The following CDKAL1 variants were observed in gnomAD, a reference collection of about 807,000 sequenced individuals.
CDKAL1 encodes threonylcarbamoyladenosine tRNA methylthiotransferase.
A neutral mutation model predicts 68.2 loss-of-function variants in CDKAL1; 32 were observed. The ratio of observed to expected loss-of-function variants is 0.47; its 90% CI spans 0.35 to 0.63. The LOEUF is 0.63. Ranked by LOEUF, CDKAL1 falls within the 30% of genes least tolerant of loss-of-function variation. The pLI is 0.00. For missense variants in CDKAL1, 606 were observed against 696.7 expected (o/e 0.87, Z 1.47); for synonymous variants, 234 against 244.3 (o/e 0.96, Z 0.39).
intron 5 of CDKAL1, among the ~76,000 whole-genome samples, chr6:20,725,962 C>G (rs892144862): frequency 4.5e-4 from 68 of 152,104 alleles, no homozygotes; most frequent in African/African-American, 1.4e-3. Flanking sequence ...CAACCTGACT[C>G]TGGCATAATA....
chr6:20,840,434 T>C (rs1778128733), intron 8 of CDKAL1, among the ~76,000 whole-genome samples: 1 of 152,206 alleles, frequency 6.6e-6, no homozygotes. Context: ...CTGATGGGAA[T>C]AGAGTAAGAG....
At chr6:20,895,881 T>C (rs943141617) in intron 9 of CDKAL1, among the ~76,000 whole-genome samples, 1 of 152,166 alleles carries the variant, frequency 6.6e-6, no homozygotes, top group African/African-American at 2.4e-5. Context: ...ACTTTCTTTA[T>C]CCAGTGGCCC....
intron 7 of CDKAL1, among the ~76,000 whole-genome samples, chr6:20,779,338 T>C (rs1775314197): frequency 2.0e-5 from 3 of 152,234 alleles, no homozygotes; most frequent in Non-Finnish European, 4.4e-5. Flanking sequence ...TGTATGTGAA[T>C]GTTCACAGAA....
intron 9 of CDKAL1, among the ~76,000 whole-genome samples, chr6:20,928,810 G>A (rs9366370): frequency 0.96 from 145,630 of 151,926 alleles, 69,809 homozygotes; most frequent in East Asian, 1. Context: ...TGGGATTATA[G>A]ACATGAGCCA....
At chr6:20,921,690 G>C (rs1762963906) in intron 9 of CDKAL1, among the ~76,000 whole-genome samples, 1 of 152,162 alleles carries the variant, frequency 6.6e-6, no homozygotes, top group Non-Finnish European at 1.5e-5. Context: ...CAGGCTTTTA[G>C]CAACTGGCAG....
chr6:20,751,965 C>T (rs2819989), intron 6 of CDKAL1, among the ~76,000 whole-genome samples: 6,252 of 152,092 alleles, frequency 0.041, 142 homozygotes, highest in Middle Eastern at 0.082. Context: ...TTCTTCATTA[C>T]TGTATGTGAA....
chr6:20,951,740 T>G (rs1365611864), intron 9 of CDKAL1, among the ~76,000 whole-genome samples: 2 of 152,128 alleles, frequency 1.3e-5, no homozygotes, highest in African/African-American at 4.8e-5. Context: ...ACTGAACAAT[T>G]TTTGGGAAAA....
intron 9 of CDKAL1, among the ~76,000 whole-genome samples, chr6:20,891,937 C>T (rs371447397): frequency 8.3e-4 from 126 of 151,882 alleles, no homozygotes; most frequent in African/African-American, 3.0e-3. Context: ...GTTTTTTTCT[C>T]AACTCTACTT....
chr6:20,898,317 G>A (rs1336894619), intron 9 of CDKAL1, among the ~76,000 whole-genome samples: 1 of 150,286 alleles, frequency 6.7e-6, no homozygotes, highest in African/African-American at 2.5e-5. Context: ...GCTCATTCAC[G>A]TCCCTCACCT....
At position 20,920,486 on chromosome 6, in the gene CDKAL1, T is replaced by G. The variant is rs137993902; in HGVS notation, c.743-34933T>G. Among the ~76,000 whole-genome samples the G allele has an allele frequency of 9.2e-5, 14 of 152,260 alleles. 1 individual carries two copies. The East Asian group carries it at 2.7e-3, about 29-fold the overall frequency. On this transcript the variant is annotated intron_variant, in intron 9 of 15. Coordinates refer to ENST00000274695, the MANE Select transcript of CDKAL1 (RefSeq NM_017774.3). Reference sequence around the variant, plus strand: ...GATTTTTGTCTTGGCATTAGAAAATTTTATATTGCAATACTATTCTTTGAT... The same window carrying G: ...GATTTTTGTCTTGGCATTAGAAAATGTTATATTGCAATACTATTCTTTGAT...
intron 4 of CDKAL1, among the ~76,000 whole-genome samples, chr6:20,640,500 A>G (rs1420800492): frequency 6.6e-6 from 1 of 152,174 alleles, no homozygotes; most frequent in Non-Finnish European, 1.5e-5. Flanking sequence ...TCCTGCATTC[A>G]TTATTAATCT....
At chr6:21,229,060 G>C (rs1192145151) in intron 15 of CDKAL1, among the ~76,000 whole-genome samples, 1 of 152,074 alleles carries the variant, frequency 6.6e-6, no homozygotes, top group Non-Finnish European at 1.5e-5. Flanking sequence ...ATATCGGCCC[G>C]GATACCTGAG....
intron 10 of CDKAL1, among the ~76,000 whole-genome samples, chr6:20,986,324 A>G (rs1329269225): frequency 1.3e-5 from 2 of 152,162 alleles, no homozygotes; most frequent in Admixed American, 1.3e-4. Context: ...TTTATAATTT[A>G]GTTGTTTCAA....
At chr6:21,031,669 G>A (rs1001173381) in intron 11 of CDKAL1, among the ~76,000 whole-genome samples, 8 of 152,012 alleles carry the variant, frequency 5.3e-5, no homozygotes, top group African/African-American at 1.9e-4. Flanking sequence ...AGTAGAACTC[G>A]ATGGAGTTGA....
chr6:20,628,305 A>T (rs1474232201), intron 4 of CDKAL1, among the ~76,000 whole-genome samples: 1 of 152,052 alleles, frequency 6.6e-6, no homozygotes, highest in East Asian at 1.9e-4. Context: ...TTTTACCTTG[A>T]ATAGGTGTTG....
chr6:21,060,062 A>G (rs994219792), intron 11 of CDKAL1, among the ~76,000 whole-genome samples: 23 of 151,918 alleles, frequency 1.5e-4, no homozygotes, highest in African/African-American at 5.3e-4. Flanking sequence ...CTGGACTCTT[A>G]AAAGAGTTTC....
At chr6:20,742,357 T>C (rs1484541025) in intron 6 of CDKAL1, among the ~76,000 whole-genome samples, 1 of 103,634 alleles carries the variant, frequency 9.6e-6, no homozygotes, top group Non-Finnish European at 2.0e-5. Context: ...TCTTATTTTG[T>C]TCATTTACAA....
At chr6:20,971,638 T>C (rs899843196) in intron 10 of CDKAL1, among the ~76,000 whole-genome samples, 2 of 152,242 alleles carry the variant, frequency 1.3e-5, no homozygotes, top group African/African-American at 4.8e-5. Flanking sequence ...ATAGCTTTAT[T>C]ATTTTATTCT....
chr6:20,716,951 G>A (rs957265088), intron 5 of CDKAL1, among the ~76,000 whole-genome samples: 3 of 152,084 alleles, frequency 2.0e-5, no homozygotes, highest in African/African-American at 7.2e-5. Context: ...GGTGGAGGAA[G>A]TCGGGGGAAG....
Sources: allele counts gnomAD v4.1 joint callset (sites outside exome capture counted in the v4.1 genomes callset), GRCh38; gene constraint gnomAD v4.1.1; transcripts MANE v1.5; gene names NCBI Gene and HGNC (gene_info 2026-07-23, HGNC 2026-07-21).